Variants in NSUN6 observed in about 807,000 individuals in gnomAD.
NSUN6 encodes the protein NOP2/Sun RNA methyltransferase 6.
A neutral mutation model predicts 58.0 loss-of-function variants in NSUN6; 64 were observed. The observed-to-expected ratio is 1.10, with a 90% CI of 0.90 to 1.36. NSUN6 has a LOEUF of 1.36. Among genes scored for constraint, NSUN6 ranks in the 40% most tolerant of loss-of-function variants. The pLI is 0.00. For missense variants in NSUN6, 701 were observed against 550.1 expected (o/e 1.27, Z -2.74); for synonymous variants, 231 against 193.9 (o/e 1.19, Z -1.59).
intron 3 of NSUN6, among the ~76,000 whole-genome samples, chr10:18,621,631 A>T (rs2058610409): frequency 6.6e-6 from 1 of 152,250 alleles, no homozygotes; most frequent in African/African-American, 2.4e-5. Flanking sequence ...CATCAACAAC[A>T]TTAAAGAAAG....
At chr10:18,585,654 A>G (rs1463248659) in intron 8 of NSUN6, among the ~76,000 whole-genome samples, 1 of 152,170 alleles carries the variant, frequency 6.6e-6, no homozygotes, top group African/African-American at 2.4e-5. Context: ...GGGAGGAGGG[A>G]GGACCAAGGA....
rs149532111 is a variant in NSUN6 at position 18,566,975 on chromosome 10, T to A, written c.923-15004A>T. Among the ~76,000 whole-genome samples, 467 of 151,306 alleles carry A rather than the reference T, an allele frequency of 3.1e-3. 5 individuals carry two copies. Among genetic ancestry groups the A allele is most frequent in the African/African-American group, 0.011 (451 of 41,322 alleles). ...TATTTCATTCTATTCCATTCTCCATTCCATTCTATTCACCACTGCATTCCA... is the reference window on the plus strand; with the variant it reads ...TATTTCATTCTATTCCATTCTCCATACCATTCTATTCACCACTGCATTCCA... On this transcript the variant is annotated intron_variant, in intron 8 of 10. Coordinates refer to ENST00000377304, the MANE Select transcript of NSUN6 (RefSeq NM_182543.5).
chr10:18,573,398 T>G (rs2056489728), intron 8 of NSUN6, among the ~76,000 whole-genome samples: 1 of 151,380 alleles, frequency 6.6e-6, no homozygotes, highest in Non-Finnish European at 1.5e-5. Context: ...CATTCCATTC[T>G]CCCTTCCATT....
chr10:18,575,728 C>T (rs146702355), intron 8 of NSUN6, among the ~76,000 whole-genome samples: 364 of 152,264 alleles, frequency 2.4e-3, no homozygotes, highest in Admixed American at 4.7e-3. Flanking sequence ...AAATGCACCA[C>T]GGAAAGATAC....
chr10:18,550,485 T>A (rs1448136415), intron 9 of NSUN6, among the ~76,000 whole-genome samples: 1 of 152,078 alleles, frequency 6.6e-6, no homozygotes, highest in Non-Finnish European at 1.5e-5. Context: ...TGGGAGGAAA[T>A]AATGAATTCA....
At chr10:18,588,461 T>G (rs2057255784) in intron 7 of NSUN6, among the ~76,000 whole-genome samples, 2 of 152,222 alleles carry the variant, frequency 1.3e-5, no homozygotes, top group Admixed American at 6.5e-5. Context: ...AGTGGGTCCC[T>G]GATCTCCGTG....
intron 8 of NSUN6, among the ~76,000 whole-genome samples, chr10:18,561,445 T>C (rs1190153431): frequency 1.0e-5 from 1 of 95,582 alleles, no homozygotes; most frequent in African/African-American, 3.8e-5. Flanking sequence ...TGGAATGGAA[T>C]GGAGAATGGA....
chr10:18,614,351 C>T, intron 5 of NSUN6, 109 bp downstream of exon 5: 1 of 420,774 alleles, frequency 2.4e-6, no homozygotes, highest in Non-Finnish European at 3.3e-6. Flanking sequence ...TGGATTTATA[C>T]CAAAAAAAAA....
At chr10:18,550,011 C>T (rs2054504714) in intron 9 of NSUN6, among the ~76,000 whole-genome samples, 1 of 152,200 alleles carries the variant, frequency 6.6e-6, no homozygotes, top group Non-Finnish European at 1.5e-5. Flanking sequence ...GTGGAAGAGC[C>T]ATGGCTCAAG....
intron 3 of NSUN6, among the ~76,000 whole-genome samples, chr10:18,627,986 C>G (rs550350898): frequency 2.0e-5 from 3 of 152,244 alleles, no homozygotes; most frequent in Admixed American, 6.5e-5. Flanking sequence ...CAGCAGTAAC[C>G]TCTGCACACT....
rs183779371 is a variant in NSUN6, at chr10:18,608,282, T to C, written c.657+1563A>G. On this transcript the variant is annotated intron_variant, in intron 6 of 10. Transcript: ENST00000377304. ...TAAGGTGAAGGAGTGCAGCTATAGA[T>C]AGCAAAAAAGTGTAAAAAGAAAATC... Among the ~76,000 whole-genome samples the C allele has an allele frequency of 4.6e-5, 7 of 151,956 alleles. No individual in the cohort carries two copies. In the East Asian group the frequency reaches 1.2e-3, roughly 25 times the overall value.
chr10:18,564,045 C>CCATTT (rs903315902), intron 8 of NSUN6, among the ~76,000 whole-genome samples: 1 of 151,182 alleles, frequency 6.6e-6, no homozygotes, highest in Non-Finnish European at 1.5e-5. Flanking sequence ...ATTCCATTCT[C>CCATTT]CATTTCATTT....
intron 8 of NSUN6, among the ~76,000 whole-genome samples, chr10:18,562,744 A>G (rs2055620154): frequency 6.7e-6 from 1 of 148,324 alleles, no homozygotes; most frequent in Admixed American, 6.7e-5. Flanking sequence ...AATGGAATGG[A>G]GAATGAACTG....
At chr10:18,546,929 G>A (rs1469260908) in intron 10 of NSUN6, among the ~76,000 whole-genome samples, 1 of 151,584 alleles carries the variant, frequency 6.6e-6, no homozygotes, top group Non-Finnish European at 1.5e-5. Flanking sequence ...TGGGGACGGG[G>A]AGGGGAAGAA....
At chr10:18,583,643 A>C (rs2057000594) in intron 8 of NSUN6, among the ~76,000 whole-genome samples, 1 of 152,252 alleles carries the variant, frequency 6.6e-6, no homozygotes, top group East Asian at 1.9e-4. Flanking sequence ...GTAAAGGGAG[A>C]TATGGTCGCC....
At chr10:18,629,900 G>A (rs887619995) in intron 3 of NSUN6, among the ~76,000 whole-genome samples, 27 of 150,008 alleles carry the variant, frequency 1.8e-4, no homozygotes, top group East Asian at 1.2e-3. Flanking sequence ...TGCACCAAGC[G>A]GACCTAATAG....
chr10:18,586,592 A>C (rs1000984069), intron 7 of NSUN6, among the ~76,000 whole-genome samples: 4 of 144,598 alleles, frequency 2.8e-5, no homozygotes. Flanking sequence ...TGGTGCGTCC[A>C]GAGTTGTTTG....
intron 8 of NSUN6, among the ~76,000 whole-genome samples, chr10:18,555,925 T>TGGAATGGAATGGAGAATGGAAG (rs2054980443): frequency 7.1e-6 from 1 of 140,322 alleles, no homozygotes; most frequent in African/African-American, 2.6e-5. Context: ...TGGAATGGAA[T>TGGAATGGAATGGAGAATGGAAG]GGAATGGAGA....
chr10:18,648,661 T>G lies in NSUN6; in HGVS notation c.76-16A>C. 1 of 1,505,322 alleles carries G rather than the reference T, an allele frequency of 6.6e-7. No homozygotes were observed. Among genetic ancestry groups the G allele is most frequent in the Non-Finnish European group, 9.2e-7 (1 of 1,088,490 alleles). The allele number at this position is 1,505,322 out of a possible 1,614,324, so 93.2% of individuals were successfully genotyped here. ...CAGTCACAATCTAAAAAGAAGTTCA[T>G]GTTTAAATTTCCTGAGAATTAAAAA... On this transcript the variant is annotated splice_polypyrimidine_tract_variant and intron_variant, in intron 1 of 10. Transcript: ENST00000377304.
Sources: allele counts gnomAD v4.1 joint callset (sites outside exome capture counted in the v4.1 genomes callset), GRCh38; gene constraint gnomAD v4.1.1; transcripts MANE v1.5; gene names NCBI Gene and HGNC (gene_info 2026-07-23, HGNC 2026-07-21).